ADAMTS19: variants seen among roughly 807,000 people sequenced by gnomAD.
The protein encoded by ADAMTS19 is ADAM metallopeptidase with thrombospondin type 1 motif 19, also known as A disintegrin and metalloproteinase with thrombospondin motifs 19.
Under a neutral mutation model 153.3 loss-of-function variants are expected in ADAMTS19, and 93 were observed. That is an observed-to-expected ratio of 0.61 (90% confidence interval 0.51 to 0.72). ADAMTS19 has a LOEUF of 0.72. Among genes scored for constraint, ADAMTS19 ranks in the 30% least tolerant of loss-of-function variants. ADAMTS19 has a pLI of 0.00. For synonymous variants in ADAMTS19, 600 were observed against 556.6 expected, an observed-to-expected ratio of 1.08 and a Z score of -1.10; for missense variants, 1,482 against 1,552.1, an observed-to-expected ratio of 0.95 and a Z score of 0.76.
chr5:129,580,457 C>T (rs897051720), intron 7 of ADAMTS19, among the ~76,000 whole-genome samples: 1 of 152,130 alleles, frequency 6.6e-6, no homozygotes, highest in Non-Finnish European at 1.5e-5. Flanking sequence ...CTGGCCAGAA[C>T]GTCCAATATA....
chr5:129,678,107 C>T (rs1372150088), intron 16 of ADAMTS19, among the ~76,000 whole-genome samples: 5 of 152,066 alleles, frequency 3.3e-5, no homozygotes, highest in Admixed American at 2.0e-4. Flanking sequence ...GCCACCACAC[C>T]GGCCGTTACA....
chr5:129,632,214 A>G (rs2127002616), intron 10 of ADAMTS19, among the ~76,000 whole-genome samples: 1 of 152,208 alleles, frequency 6.6e-6, no homozygotes, highest in African/African-American at 2.4e-5. Context: ...TCTAGGGATT[A>G]AAATATAAAC....
intron 2 of ADAMTS19, among the ~76,000 whole-genome samples, chr5:129,504,872 GAC>G (rs34742030): frequency 0.25 from 37,535 of 148,088 alleles, 5,414 homozygotes; most frequent in Admixed American, 0.33. Context: ...CACACACACA[GAC>G]ACACACACAC....
rs796651660 is a variant in ADAMTS19, at chr5:129,728,179, C to A, written c.3313-6753C>A. ...ATGCCATGGCAACATCAAAAAGTTACCCTATGTGGTTTAAAAAGGGGAAGA... is the reference window on the plus strand; with the variant it reads ...ATGCCATGGCAACATCAAAAAGTTAACCTATGTGGTTTAAAAAGGGGAAGA... On this transcript the variant is annotated intron_variant, in intron 21 of 22. Transcript: ENST00000274487. Among the ~76,000 whole-genome samples, 51 of 152,196 alleles carry A rather than the reference C, an allele frequency of 3.4e-4. No homozygotes were observed. In the South Asian group the frequency reaches 8.1e-3, roughly 24 times the overall value.
intron 7 of ADAMTS19, among the ~76,000 whole-genome samples, chr5:129,589,286 T>C (rs995084738): frequency 2.6e-5 from 4 of 151,896 alleles, no homozygotes; most frequent in Non-Finnish European, 5.9e-5. Flanking sequence ...GTTTCTATGG[T>C]CAGCTTCCTT....
chr5:129,516,060 T>C (rs1462705783), intron 3 of ADAMTS19, among the ~76,000 whole-genome samples: 2 of 151,944 alleles, frequency 1.3e-5, no homozygotes, highest in Non-Finnish European at 2.9e-5. Flanking sequence ...GTTTTCTCCT[T>C]CATTCTATTT....
intron 19 of ADAMTS19, among the ~76,000 whole-genome samples, chr5:129,697,325 G>A (rs1755605644): frequency 6.6e-6 from 1 of 152,102 alleles, no homozygotes. Context: ...TGTCCCCTTA[G>A]CTGAGAGAGG....
In ADAMTS19 at chr5:129,526,253, G is replaced by A; in HGVS notation, c.914-31G>A. ...TATTATTCACTTTGCCAATATGAAG[G>A]TGCATTGAAAAATTCAATTCTCTGT... On this transcript the variant is annotated intron_variant, in intron 3 of 22. Coordinates refer to ENST00000274487, the MANE Select transcript of ADAMTS19 (RefSeq NM_133638.6). The A allele has an allele frequency of 3.3e-6, 5 of 1,521,536 alleles. No individual in the cohort carries two copies. The South Asian group carries it at 6.4e-5, about 19-fold the overall frequency. The allele number at this position is 1,521,536 out of a possible 1,614,324, so 94.3% of individuals were successfully genotyped here.
chr5:129,535,234 A>T, intron 6 of ADAMTS19, among the ~76,000 whole-genome samples: 1 of 152,210 alleles, frequency 6.6e-6, no homozygotes, highest in East Asian at 1.9e-4. Flanking sequence ...TACAAAATCA[A>T]TGTGCAAAAA....
intron 6 of ADAMTS19, 118 bp downstream of exon 6, chr5:129,528,795 T>G (rs1189697088): frequency 3.7e-6 from 3 of 804,308 alleles, no homozygotes; most frequent in Non-Finnish European, 5.5e-6. Context: ...AGAGTGATTT[T>G]GGCATAATGA....
intron 21 of ADAMTS19, among the ~76,000 whole-genome samples, chr5:129,731,511 T>C (rs1005585307): frequency 6.6e-6 from 1 of 152,212 alleles, no homozygotes; most frequent in African/African-American, 2.4e-5. Flanking sequence ...GGAGCATATA[T>C]ATGTAAATAA....
Position 129,527,758 on chromosome 5 carries a change from T to C in ADAMTS19, c.1097T>C (p.Leu366Pro). The change falls in exon 5 of 23, where the codon CTT becomes CCT. Residue 366 changes from leucine to proline, a missense_variant. Leu to Pro is a moderately conservative substitution (Grantham distance 98). This residue lies in a region of ADAMTS19 where 866 missense variants were observed against 827.7 expected (regional missense o/e 1.05). Transcript: ENST00000274487. ...TTTATTTGTTTTTAGGTATTTAACC[T>C]TTTCCAACACAAGAGTCTGAGTGTG... is the stretch of plus-strand genomic sequence containing the variant. ...ILTILNMVFN[L>P]FQHKSLSVQV... The C allele has an allele frequency of 1.3e-6, 2 of 1,570,666 alleles. No individual in the cohort carries two copies. Among genetic ancestry groups the C allele is most frequent in the Non-Finnish European group, 1.7e-6 (2 of 1,149,098 alleles).
intron 7 of ADAMTS19, among the ~76,000 whole-genome samples, chr5:129,586,130 C>T (rs1749784189): frequency 6.6e-6 from 1 of 152,180 alleles, no homozygotes; most frequent in Non-Finnish European, 1.5e-5. Flanking sequence ...ACATTCACCA[C>T]TAGAATGGTA....
chr5:129,508,369 A>C (rs575174115), intron 2 of ADAMTS19, among the ~76,000 whole-genome samples: 1 of 152,116 alleles, frequency 6.6e-6, no homozygotes, highest in East Asian at 1.9e-4. Flanking sequence ...CTAGAAAAGG[A>C]AAGGAAGAAA....
At chr5:129,728,670 A>G (rs1274043454) in intron 21 of ADAMTS19, among the ~76,000 whole-genome samples, 1 of 152,114 alleles carries the variant, frequency 6.6e-6, no homozygotes, top group Non-Finnish European at 1.5e-5. Flanking sequence ...GACTGGCTAA[A>G]AGTGGATGAA....
At chr5:129,641,024 A>T (rs1360095248) in intron 10 of ADAMTS19, among the ~76,000 whole-genome samples, 7 of 151,956 alleles carry the variant, frequency 4.6e-5, no homozygotes, top group African/African-American at 1.5e-4. Context: ...TCCTTTATGG[A>T]TTTCATATTT....
At chr5:129,577,557 G>T (rs1417215848) in intron 7 of ADAMTS19, among the ~76,000 whole-genome samples, 1 of 152,074 alleles carries the variant, frequency 6.6e-6, no homozygotes, top group South Asian at 2.1e-4. Flanking sequence ...TTTGCATAAA[G>T]GTTTGATGAT....
At chr5:129,484,469 T>C (rs1750524442) in intron 2 of ADAMTS19, among the ~76,000 whole-genome samples, 1 of 152,184 alleles carries the variant, frequency 6.6e-6, no homozygotes, top group East Asian at 1.9e-4. Flanking sequence ...AAAATGTACA[T>C]AGCATTGTTT....
In ADAMTS19 at chr5:129,613,503, A is replaced by G. The variant is rs531098597; in HGVS notation, c.1479-7115A>G. ...TGAAACCAACGAGAACAAAGACACAACATACCAGAATCTCTGGGACACATT... is the reference window on the plus strand; with the variant it reads ...TGAAACCAACGAGAACAAAGACACAGCATACCAGAATCTCTGGGACACATT... On this transcript the variant is annotated intron_variant, in intron 8 of 22. Transcript: ENST00000274487. Among the ~76,000 whole-genome samples, 12 of 152,306 alleles carry G rather than the reference A, an allele frequency of 7.9e-5. No individual in the cohort carries two copies. The South Asian group carries it at 2.5e-3, about 32-fold the overall frequency.
Sources: allele counts gnomAD v4.1 joint callset (sites outside exome capture counted in the v4.1 genomes callset), GRCh38; gene constraint gnomAD v4.1.1; regional missense constraint gnomAD v4.1.1; transcripts MANE v1.5; gene names NCBI Gene and HGNC (gene_info 2026-07-23, HGNC 2026-07-21).